Variants in ADAM22 observed in about 807,000 individuals in gnomAD.
The protein encoded by ADAM22 is ADAM metallopeptidase domain 22, also known as disintegrin and metalloproteinase domain-containing protein 22.
Under a neutral mutation model 144.6 loss-of-function variants are expected in ADAM22, and 65 were observed. The ratio of observed to expected loss-of-function variants is 0.45; its 90% CI spans 0.37 to 0.55. The LOEUF is 0.55. Among genes scored for constraint, ADAM22 ranks in the 20% least tolerant of loss-of-function variants. ADAM22 has a pLI of 0.00. For missense variants in ADAM22, 974 were observed against 1,184.9 expected, an observed-to-expected ratio of 0.82 and a Z score of 2.61; for synonymous variants, 391 against 412.6, an observed-to-expected ratio of 0.95 and a Z score of 0.63.
intron 3 of ADAM22, among the ~76,000 whole-genome samples, chr7:88,035,047 T>A (rs1210417039): frequency 6.6e-6 from 1 of 151,434 alleles, no homozygotes; most frequent in Non-Finnish European, 1.5e-5. Context: ...GTAAATTTGG[T>A]GTTCCTGCAG....
chr7:88,023,611 G>A (rs1350870830), intron 3 of ADAM22, among the ~76,000 whole-genome samples: 2 of 152,064 alleles, frequency 1.3e-5, no homozygotes, highest in African/African-American at 2.4e-5. Context: ...GTAGAGACTG[G>A]GTTTTGCCAT....
chr7:88,101,762 G>C (rs556355006), intron 4 of ADAM22, among the ~76,000 whole-genome samples: 9 of 152,320 alleles, frequency 5.9e-5, no homozygotes, highest in Non-Finnish European at 1.2e-4. Context: ...TAAGATTTCA[G>C]TGAGCTTAGC....
At chr7:88,094,336 A>G (rs539767226) in intron 4 of ADAM22, among the ~76,000 whole-genome samples, 1 of 152,328 alleles carries the variant, frequency 6.6e-6, no homozygotes, top group East Asian at 1.9e-4. Flanking sequence ...TAACAGGTGA[A>G]TGAAATGGGA....
chr7:88,162,257 C>G (rs889813802), intron 22 of ADAM22, among the ~76,000 whole-genome samples: 1 of 152,020 alleles, frequency 6.6e-6, no homozygotes, highest in Non-Finnish European at 1.5e-5. Flanking sequence ...ACCACATGTT[C>G]TCACTTATAA....
At chr7:87,976,203 G>A (rs1562898983) in intron 2 of ADAM22, among the ~76,000 whole-genome samples, 1 of 152,150 alleles carries the variant, frequency 6.6e-6, no homozygotes, top group African/African-American at 2.4e-5. Context: ...GGTTGGAAAG[G>A]CTTCATGGAA....
chr7:87,996,365 T>C (rs992422312), intron 3 of ADAM22, among the ~76,000 whole-genome samples: 7 of 152,232 alleles, frequency 4.6e-5, no homozygotes, highest in Non-Finnish European at 1.0e-4. Context: ...TTCTGTCTTA[T>C]TGAGGGCCTT....
chr7:88,083,971 T>C (rs1817713277), intron 4 of ADAM22, among the ~76,000 whole-genome samples: 1 of 152,180 alleles, frequency 6.6e-6, no homozygotes, highest in African/African-American at 2.4e-5. Context: ...TCCCTTTTCA[T>C]TTGGCTTCAC....
intron 3 of ADAM22, among the ~76,000 whole-genome samples, chr7:88,045,969 A>G (rs1804594186): frequency 6.6e-6 from 1 of 150,894 alleles, no homozygotes; most frequent in Non-Finnish European, 1.5e-5. Context: ...TCATTCATCC[A>G]TAGATACTTA....
intron 17 of ADAM22, among the ~76,000 whole-genome samples, chr7:88,146,052 T>A (rs747938048): frequency 6.6e-5 from 10 of 152,186 alleles, no homozygotes; most frequent in Non-Finnish European, 1.3e-4. Context: ...GTTTTCATCC[T>A]CCCAGCAGCA....
intron 22 of ADAM22, 55 bp downstream of exon 22, chr7:88,156,061 A>G (rs757713786): frequency 8.0e-5 from 127 of 1,591,248 alleles, no homozygotes; most frequent in Non-Finnish European, 1.1e-4. Context: ...TCAGGAATGC[A>G]GTTTAGGATT....
At chr7:88,066,383 C>T (rs1003936478) in intron 3 of ADAM22, among the ~76,000 whole-genome samples, 1 of 151,974 alleles carries the variant, frequency 6.6e-6, no homozygotes, top group Admixed American at 6.6e-5. Context: ...GCCAGGGTAA[C>T]TGGAAAATTG....
At chr7:87,952,666 TAGGGAGGA>T (rs1398383222) in intron 2 of ADAM22, among the ~76,000 whole-genome samples, 1 of 152,100 alleles carries the variant, frequency 6.6e-6, no homozygotes, top group African/African-American at 2.4e-5. Flanking sequence ...TAAAATGAGT[TAGGGAGGA>T]TTCCCTCTTT....
intron 5 of ADAM22, among the ~76,000 whole-genome samples, chr7:88,113,599 C>T (rs1181841639): frequency 6.9e-6 from 1 of 144,314 alleles, no homozygotes; most frequent in African/African-American, 2.6e-5. Flanking sequence ...CATTTATTGC[C>T]CTTCACCTGA....
chr7:87,998,472 C>G (rs190096999), intron 3 of ADAM22, among the ~76,000 whole-genome samples: 12 of 152,230 alleles, frequency 7.9e-5, no homozygotes, highest in Non-Finnish European at 1.5e-4. Flanking sequence ...CTCACTGCAA[C>G]CTCCGCCTCC....
At chr7:87,962,980 T>TA (rs1848313625) in intron 2 of ADAM22, among the ~76,000 whole-genome samples, 1 of 152,204 alleles carries the variant, frequency 6.6e-6, no homozygotes, top group African/African-American at 2.4e-5. Flanking sequence ...CTCACAGTTT[T>TA]AAAACAGAGG....
At chr7:87,966,728 T>C (rs1039467187) in intron 2 of ADAM22, among the ~76,000 whole-genome samples, 22 of 126,760 alleles carry the variant, frequency 1.7e-4, no homozygotes, top group African/African-American at 5.1e-4. Flanking sequence ...GCCGTTTTTT[T>C]TTTTTTTTTT....
intron 4 of ADAM22, among the ~76,000 whole-genome samples, chr7:88,106,603 A>G (rs1162333709): frequency 1.3e-5 from 2 of 152,198 alleles, no homozygotes; most frequent in African/African-American, 4.8e-5. Flanking sequence ...ACTCTTTCGT[A>G]TCTCAGTGAG....
chr7:88,010,112 G>A (rs969934835), intron 3 of ADAM22, among the ~76,000 whole-genome samples: 2 of 151,810 alleles, frequency 1.3e-5, no homozygotes, highest in Non-Finnish European at 2.9e-5. Context: ...ACTGTCCTTG[G>A]AAGAGGCTCT....
chr7:88,013,782 A>G (rs1284308894), intron 3 of ADAM22, among the ~76,000 whole-genome samples: 2 of 152,150 alleles, frequency 1.3e-5, no homozygotes, highest in Non-Finnish European at 2.9e-5. Flanking sequence ...TGATGTTAGT[A>G]TGTTCATACT....
Sources: gnomAD v4.1 joint callset for allele counts (sites outside exome capture counted in the v4.1 genomes callset) on GRCh38, gnomAD v4.1.1 for gene constraint, MANE v1.5 for transcripts, NCBI Gene and HGNC (gene_info 2026-07-23, HGNC 2026-07-21) for gene names.